Variants in SCNN1B observed in about 807,000 individuals in gnomAD.
SCNN1B encodes the protein sodium channel epithelial 1 subunit beta, also known as epithelial sodium channel subunit beta.
SCNN1B carries 46 observed loss-of-function variants against 65.3 expected under a neutral mutation model. The ratio of observed to expected loss-of-function variants is 0.70; its 90% CI spans 0.56 to 0.90. The LOEUF is 0.90. Ranked by LOEUF, SCNN1B falls within the 40% of genes least tolerant of loss-of-function variation. SCNN1B has a pLI of 0.00. For synonymous variants in SCNN1B, 349 were observed against 330.6 expected (o/e 1.06, Z -0.60); for missense variants, 751 against 830.5 (o/e 0.90, Z 1.18).
intron 2 of SCNN1B, among the ~76,000 whole-genome samples, chr16:23,287,811 C>CT (rs34743456): frequency 0.34 from 47,541 of 141,768 alleles, 9,358 homozygotes; most frequent in African/African-American, 0.57. Context: ...GTAGCGTTTC[C>CT]TTTTTTTTTT....
At chr16:23,345,168 G>A (rs982298279) in intron 1 of SCNN1B, among the ~76,000 whole-genome samples, 1 of 152,200 alleles carries the variant, frequency 6.6e-6, no homozygotes, top group African/African-American at 2.4e-5. Context: ...CTGTTTAGAC[G>A]TGAAGGTCTG....
chr16:23,306,716 A>G (rs1961227358), intron 1 of SCNN1B, among the ~76,000 whole-genome samples: 2 of 152,254 alleles, frequency 1.3e-5, no homozygotes, highest in Admixed American at 6.5e-5. Context: ...GAGTGAGAAA[A>G]GCATTCCACA....
At chr16:23,295,895 C>T (rs1801975560) in intron 2 of SCNN1B, among the ~76,000 whole-genome samples, 1 of 152,080 alleles carries the variant, frequency 6.6e-6, no homozygotes, top group South Asian at 2.1e-4. Context: ...GGTCAAGGCC[C>T]TAGGAGCTGA....
chr16:23,316,346 G>C (rs111067695), intron 1 of SCNN1B, among the ~76,000 whole-genome samples: 47,624 of 109,722 alleles, frequency 0.43, 9,378 homozygotes, highest in African/African-American at 0.63. Flanking sequence ...CACCATCGCC[G>C]TCACCATCTC....
chr16:23,320,484 C>T (rs1961564717), intron 1 of SCNN1B, among the ~76,000 whole-genome samples: 1 of 152,222 alleles, frequency 6.6e-6, no homozygotes, highest in Non-Finnish European at 1.5e-5. Context: ...ACCCAGTTCT[C>T]ACTGAGGGAA....
At chr16:23,337,814 C>G (rs1961975527) in intron 1 of SCNN1B, among the ~76,000 whole-genome samples, 1 of 152,020 alleles carries the variant, frequency 6.6e-6, no homozygotes, top group African/African-American at 2.4e-5. Context: ...TACCTGTAAT[C>G]CCAGCACTTT....
intron 1 of SCNN1B, among the ~76,000 whole-genome samples, chr16:23,306,103 C>A (rs1216543807): frequency 2.6e-5 from 4 of 151,960 alleles, no homozygotes; most frequent in Admixed American, 2.6e-4. Flanking sequence ...ATTAGCTGGG[C>A]ATGGTGGTGG....
intron 3 of SCNN1B, 135 bp downstream of exon 3, chr16:23,353,209 AG>A (rs1367269884): frequency 9.1e-7 from 1 of 1,100,614 alleles, no homozygotes; most frequent in East Asian, 2.5e-5. Context: ...GCTTGTTTGC[AG>A]AGATTTTTTA....
At chr16:23,281,296 A>C (rs879318165) in intron 1 of SCNN1B, among the ~76,000 whole-genome samples, 5 of 152,120 alleles carry the variant, frequency 3.3e-5, no homozygotes, top group Non-Finnish European at 5.9e-5. Flanking sequence ...AGCTGGGCGT[A>C]GTGGCTGGCA....
At chr16:23,337,675 G>C (rs1961973157) in intron 1 of SCNN1B, among the ~76,000 whole-genome samples, 3 of 151,934 alleles carry the variant, frequency 2.0e-5, no homozygotes, top group African/African-American at 7.2e-5. Flanking sequence ...ACCGTGCTTG[G>C]CCCCAGGTTT....
Position 23,348,643 on chromosome 16 carries a change from A to G in SCNN1B, c.44A>G (p.Gln15Arg). 6.2e-7 allele frequency: 1 copy of G among 1,613,594 alleles called. No individual in the cohort carries two copies. Among genetic ancestry groups the G allele is most frequent in the South Asian group, 1.1e-5 (1 of 91,046 alleles). ...KYLLKGLHRL[Q>R]KGPGYTYKEL... ...CTGCTGAAGGGCCTGCATCGGCTGCAGAAGGGCCCCGGCTACACGTACAAG... is the reference window on the plus strand; with the variant it reads ...CTGCTGAAGGGCCTGCATCGGCTGCGGAAGGGCCCCGGCTACACGTACAAG... The change falls in exon 2 of 13, where the codon CAG (glutamine) becomes CGG (arginine). Residue 15 changes from glutamine to arginine, a missense_variant. Gln to Arg is a conservative substitution (Grantham distance 43). Coordinates refer to ENST00000343070, the MANE Select transcript of SCNN1B (RefSeq NM_000336.3). This position sits in a 1 kb window ranked among gnomAD's most constrained non-coding sequence, Gnocchi z 4.5.
At chr16:23,307,083 G>A (rs1961234703) in intron 1 of SCNN1B, among the ~76,000 whole-genome samples, 1 of 152,160 alleles carries the variant, frequency 6.6e-6, no homozygotes, top group African/African-American at 2.4e-5. Context: ...TACAGCTGGA[G>A]TTGGACACCA....
chr16:23,338,461 C>T (rs191925332), intron 1 of SCNN1B, among the ~76,000 whole-genome samples: 5 of 152,308 alleles, frequency 3.3e-5, no homozygotes, highest in African/African-American at 1.2e-4. Context: ...TTCAGGTTAA[C>T]CTTCAATTAA....
chr16:23,343,475 AAAGGAAGG>A lies in SCNN1B; in HGVS notation c.-8-5090_-8-5083del, dbSNP rs569501062. ...CAAAAATAAAAAAAGGAAAAGAAAG[AAAGGAAGG>A]AAGGAAGGAAGGAAGGAAGGAAGGA... On this transcript the variant is annotated intron_variant, in intron 1 of 12. Coordinates refer to ENST00000343070, the MANE Select transcript of SCNN1B (RefSeq NM_000336.3). 1.2e-3 allele frequency among the ~76,000 whole-genome samples: 136 copies of A among 113,130 alleles called. 4 individuals are homozygous for A. The East Asian group carries it at 0.018, about 15-fold the overall frequency. 74.2% of individuals were successfully genotyped at this position (113,130 alleles called of 152,430 possible). A position where few individuals can be genotyped will look rare whatever the true frequency, so the allele number is the denominator to read the frequency against.
chr16:23,341,106 A>G (rs1962046112), intron 1 of SCNN1B, among the ~76,000 whole-genome samples: 1 of 152,222 alleles, frequency 6.6e-6, no homozygotes, highest in South Asian at 2.1e-4. Context: ...CATCTTAACA[A>G]TATTGAGTCT....
intron 1 of SCNN1B, among the ~76,000 whole-genome samples, chr16:23,332,451 C>T (rs1480167278): frequency 6.6e-6 from 1 of 152,092 alleles, no homozygotes; most frequent in Non-Finnish European, 1.5e-5. Flanking sequence ...CCCACCTCGG[C>T]CTCCCAAAGT....
At chr16:23,290,246 T>A (rs1465881507) in intron 2 of SCNN1B, among the ~76,000 whole-genome samples, 1 of 152,190 alleles carries the variant, frequency 6.6e-6, no homozygotes, top group African/African-American at 2.4e-5. Context: ...CACTTGCCAC[T>A]TGCTGCTGCT....
intron 1 of SCNN1B, among the ~76,000 whole-genome samples, chr16:23,328,346 G>C (rs994038126): frequency 6.6e-6 from 1 of 152,194 alleles, no homozygotes; most frequent in Non-Finnish European, 1.5e-5. Context: ...TAAAAAACAA[G>C]AGTGAGTCAA....
At chr16:23,297,532 T>C (rs1265797425), upstream of SCNN1B, among the ~76,000 whole-genome samples, 1 of 152,174 alleles carries the variant, frequency 6.6e-6, no homozygotes, top group Non-Finnish European at 1.5e-5. Context: ...TATCGGGACC[T>C]AGTTTCTCTT....
Sources: allele counts gnomAD v4.1 joint callset (sites outside exome capture counted in the v4.1 genomes callset), GRCh38; gene constraint gnomAD v4.1.1; non-coding constraint Gnocchi (gnomAD v3.1); transcripts MANE v1.5; gene names NCBI Gene and HGNC (gene_info 2026-07-23, HGNC 2026-07-21).